Variants in PPP2R2D observed in about 807,000 individuals in gnomAD.
PPP2R2D encodes serine/threonine-protein phosphatase 2A 55 kDa regulatory subunit B delta isoform.
A neutral mutation model predicts 31.1 loss-of-function variants in PPP2R2D; 9 were observed. The ratio of observed to expected loss-of-function variants is 0.29; its 90% CI spans 0.17 to 0.51. The LOEUF (loss-of-function observed/expected upper bound fraction) is 0.51. Among genes scored for constraint, PPP2R2D ranks in the 20% least tolerant of loss-of-function variants. The pLI is 0.98. For synonymous variants in PPP2R2D, 179 were observed against 172.6 expected (o/e 1.04, Z -0.29); for missense variants, 391 against 465.6 (o/e 0.84, Z 1.48).
chr10:131,929,123 G>A (rs2036160971), intron 2 of PPP2R2D, among the ~76,000 whole-genome samples: 1 of 152,192 alleles, frequency 6.6e-6, no homozygotes, highest in Non-Finnish European at 1.5e-5. Context: ...ATTGCCCCCT[G>A]TACTACCTCG....
At chr10:131,937,578 A>T (rs1168215445) in intron 3 of PPP2R2D, among the ~76,000 whole-genome samples, 2 of 152,154 alleles carry the variant, frequency 1.3e-5, no homozygotes, top group South Asian at 2.1e-4. Context: ...GGTGACTGGG[A>T]TGGGAGTTGG....
chr10:131,970,503 C>A, the PPP2R2D span: 25 of 1,281,110 alleles, frequency 2.0e-5, no homozygotes, highest in Admixed American at 7.1e-5. This position sits in a 1 kb window ranked among gnomAD's most constrained non-coding sequence, Gnocchi z 4.1. Context: ...ACAGTGACTA[C>A]GTGGGTGTTT....
chr10:131,964,009 T>C (rs1157115589), downstream of PPP2R2D, among the ~76,000 whole-genome samples: 2 of 152,232 alleles, frequency 1.3e-5, no homozygotes, highest in African/African-American at 4.8e-5. Context: ...TCTGCTGCAG[T>C]CTTTCAGGAC....
intron 8 of PPP2R2D, among the ~76,000 whole-genome samples, chr10:131,949,221 G>A (rs1260613996): frequency 6.6e-6 from 1 of 152,214 alleles, no homozygotes; most frequent in African/African-American, 2.4e-5. Context: ...GGTTCCCCAC[G>A]GGTGGACACT....
chr10:131,948,191 C>T (rs1564824218), intron 8 of PPP2R2D, among the ~76,000 whole-genome samples: 1 of 152,180 alleles, frequency 6.6e-6, no homozygotes, highest in Non-Finnish European at 1.5e-5. Context: ...TGAAAACACC[C>T]CAGAGCCACT....
chr10:131,961,019 C>T (rs1306090738), downstream of PPP2R2D, among the ~76,000 whole-genome samples: 2 of 152,132 alleles, frequency 1.3e-5, no homozygotes, highest in Non-Finnish European at 2.9e-5. Context: ...CTGGGATCGC[C>T]AAGGGAGAGG....
Position 131,955,953 on chromosome 10 carries a change from AAATC to A in PPP2R2D, c.1355_1358del (p.Ile452ThrfsTer14), listed in dbSNP as rs1195129567. On this transcript the variant is annotated frameshift_variant, in exon 9 of 9. Coordinates refer to ENST00000455566, the MANE Select transcript of PPP2R2D (RefSeq NM_018461.5). LOFTEE classifies it high-confidence loss of function. ...AATAACTTGTACATATTCCAGGACA[AAATC>A]AACTAGAGACGCGAACGTGAGGACC... is the stretch of plus-strand genomic sequence containing the variant. 2.0e-6 allele frequency: 3 copies of A among 1,525,672 alleles called. No homozygotes were observed. The highest frequency in any genetic ancestry group is 2.7e-6 in the Non-Finnish European group (3 of 1,128,356). The allele number at this position is 1,525,672 out of a possible 1,614,324, so 94.5% of individuals were successfully genotyped here. A position where few individuals can be genotyped will look rare whatever the true frequency, so the allele number is the denominator to read the frequency against.
At chr10:131,904,025 G>A (rs991636156) in intron 2 of PPP2R2D, among the ~76,000 whole-genome samples, 3 of 152,060 alleles carry the variant, frequency 2.0e-5, no homozygotes, top group East Asian at 1.9e-4. Context: ...CCAATATGGC[G>A]AAACCCCATC....
intron 2 of PPP2R2D, among the ~76,000 whole-genome samples, chr10:131,932,667 AACACAC>A (rs797026958): frequency 7.5e-6 from 1 of 133,156 alleles, no homozygotes; most frequent in Non-Finnish European, 1.5e-5. Flanking sequence ...AAAAAAAAAA[AACACAC>A]AAAAAAAACC....
chr10:131,903,085 T>C (rs2035527789), intron 2 of PPP2R2D, among the ~76,000 whole-genome samples: 1 of 152,138 alleles, frequency 6.6e-6, no homozygotes, highest in Non-Finnish European at 1.5e-5. Flanking sequence ...AAATTATTGA[T>C]AAGCTGAATG....
chr10:131,938,295 T>TAAAC (rs1338394394), intron 3 of PPP2R2D, among the ~76,000 whole-genome samples: 1 of 152,360 alleles, frequency 6.6e-6, no homozygotes, highest in East Asian at 1.9e-4. Flanking sequence ...ACTAAAGTGT[T>TAAAC]AAACACCTAA....
intron 2 of PPP2R2D, among the ~76,000 whole-genome samples, chr10:131,918,378 A>G (rs1409509818): frequency 2.9e-5 from 4 of 139,574 alleles, no homozygotes; most frequent in Non-Finnish European, 4.6e-5. Flanking sequence ...GTTTGTAGGG[A>G]CCTCAGGCGG....
In PPP2R2D at chr10:131,956,526, A is replaced by ACT; in HGVS notation, c.*564_*565dup. The ACT allele has an allele frequency of 1.0e-6, 1 of 985,368 alleles. No individual in the cohort carries two copies. The highest frequency in any genetic ancestry group is 1.2e-6 in the Non-Finnish European group (1 of 829,924). 61.0% of individuals were successfully genotyped at this position (985,368 alleles called of 1,614,324 possible). A position where few individuals can be genotyped will look rare whatever the true frequency, so the allele number is the denominator to read the frequency against. Reference sequence around the variant, plus strand: ...TGTGAGCGCTCAATAAAAACAACACACTATAAAGTGTTTTTAAATCCAAAC... The same window carrying ACT: ...TGTGAGCGCTCAATAAAAACAACACACTCTATAAAGTGTTTTTAAATCCAAAC... On this transcript the variant is annotated 3_prime_UTR_variant, in exon 9 of 9. Transcript: ENST00000455566.
At chr10:131,962,555 A>T (rs2036939273), downstream of PPP2R2D, among the ~76,000 whole-genome samples, 1 of 152,084 alleles carries the variant, frequency 6.6e-6, no homozygotes, top group African/African-American at 2.4e-5. Flanking sequence ...TATCCTTGGG[A>T]CGTGTCTTGG....
At chr10:131,914,955 G>C (rs978470818) in intron 2 of PPP2R2D, among the ~76,000 whole-genome samples, 1 of 152,144 alleles carries the variant, frequency 6.6e-6, no homozygotes, top group Admixed American at 6.5e-5. Flanking sequence ...ACTCGAAGGA[G>C]GAAGGTTTTT....
At chr10:131,911,314 A>C (rs2119740982) in intron 2 of PPP2R2D, among the ~76,000 whole-genome samples, 1 of 152,286 alleles carries the variant, frequency 6.6e-6, no homozygotes, top group African/African-American at 2.4e-5. Context: ...CTGGTGTCCT[A>C]AGTGTGCTGT....
intron 1 of PPP2R2D, 34 bp downstream of exon 1, chr10:131,901,189 G>A (rs2035487140): frequency 9.0e-6 from 3 of 332,334 alleles, no homozygotes; most frequent in South Asian, 2.7e-4. Flanking sequence ...GGGGACCACG[G>A]GGGCGGGCGG....
chr10:131,925,834 T>C (rs1315668566), intron 2 of PPP2R2D, among the ~76,000 whole-genome samples: 1 of 152,128 alleles, frequency 6.6e-6, no homozygotes, highest in African/African-American at 2.4e-5. Context: ...GGTTTCCCCC[T>C]CACAAATTGA....
chr10:131,958,358 TC>T lies in PPP2R2D; in HGVS notation c.*2397del, dbSNP rs1564830149. The T allele has an allele frequency of 1.1e-5, 1 of 94,772 alleles. No homozygotes were observed. The highest frequency in any genetic ancestry group is 2.0e-5 in the Non-Finnish European group (1 of 50,468). The allele number at this position is 94,772 out of a possible 1,614,324, so 5.9% of individuals were successfully genotyped here. A position where few individuals can be genotyped will look rare whatever the true frequency, so the allele number is the denominator to read the frequency against. ...GAAGGGGTGTGCTGATCCCCCGTCT[TC>T]CTGTGGAGATGAAGGTGTGTGCTGA... is the stretch of plus-strand genomic sequence containing the variant. On this transcript the variant is annotated 3_prime_UTR_variant, in exon 9 of 9. Transcript: ENST00000455566.
Sources: allele counts gnomAD v4.1 joint callset (sites outside exome capture counted in the v4.1 genomes callset), GRCh38; gene constraint gnomAD v4.1.1; non-coding constraint Gnocchi (gnomAD v3.1); transcripts MANE v1.5; gene names NCBI Gene and HGNC (gene_info 2026-07-23, HGNC 2026-07-21).